Variants in MAML3 observed in about 807,000 individuals in gnomAD.
MAML3 encodes the protein mastermind like transcriptional coactivator 3.
Under a neutral mutation model 101.9 loss-of-function variants are expected in MAML3, and 27 were observed. That is an observed-to-expected ratio of 0.27 (90% CI 0.20 to 0.37). The LOEUF is 0.37. MAML3 is among the 10% of genes least tolerant of loss of function. MAML3 has a pLI of 1.00. For missense variants in MAML3, 1,316 were observed against 1,444.9 expected, an observed-to-expected ratio of 0.91 and a Z score of 1.45; for synonymous variants, 501 against 555.9, an observed-to-expected ratio of 0.90 and a Z score of 1.39.
intron 2 of MAML3, among the ~76,000 whole-genome samples, chr4:139,807,882 T>A (rs1395319546): frequency 6.6e-6 from 1 of 152,232 alleles, no homozygotes; most frequent in Non-Finnish European, 1.5e-5. Flanking sequence ...AAATTTGATA[T>A]ATTTTCTTAT....
intron 1 of MAML3, among the ~76,000 whole-genome samples, chr4:139,947,480 C>T (rs1359004233): frequency 6.6e-6 from 1 of 152,156 alleles, no homozygotes; most frequent in Non-Finnish European, 1.5e-5. Flanking sequence ...AATGCTGCTA[C>T]AAAAATTACA....
intron 4 of MAML3, among the ~76,000 whole-genome samples, chr4:139,724,250 C>G (rs1728377332): frequency 3.3e-5 from 5 of 152,202 alleles, no homozygotes; most frequent in Non-Finnish European, 7.3e-5. Flanking sequence ...TCAATGTGAT[C>G]TGTCAGTAAA....
chr4:139,942,675 C>T (rs1202453234), intron 1 of MAML3, among the ~76,000 whole-genome samples: 2 of 151,668 alleles, frequency 1.3e-5, no homozygotes, highest in Non-Finnish European at 2.9e-5. Flanking sequence ...GTCTATACTC[C>T]TAATATTAAT....
intron 1 of MAML3, among the ~76,000 whole-genome samples, chr4:139,972,209 TCCCTCCTTC>T (rs1423960530): frequency 2.6e-5 from 4 of 152,068 alleles, no homozygotes; most frequent in Non-Finnish European, 4.4e-5. Context: ...CCTGATCCTC[TCCCTCCTTC>T]CCCCACCACT....
intron 2 of MAML3, among the ~76,000 whole-genome samples, chr4:139,746,433 T>C (rs753975389): frequency 2.0e-5 from 3 of 146,802 alleles, no homozygotes; most frequent in Non-Finnish European, 4.5e-5. Flanking sequence ...ATGAAAAATC[T>C]TCCCTTTAAA....
chr4:139,742,058 C>T (rs891808889), intron 2 of MAML3, among the ~76,000 whole-genome samples: 5 of 152,012 alleles, frequency 3.3e-5, no homozygotes, highest in Non-Finnish European at 7.4e-5. Context: ...CTTGACTCCA[C>T]GCCACACATA....
At chr4:139,970,305 A>G (rs1023949091) in intron 1 of MAML3, among the ~76,000 whole-genome samples, 4 of 152,218 alleles carry the variant, frequency 2.6e-5, no homozygotes, top group African/African-American at 9.6e-5. Flanking sequence ...ATGAGCAAGA[A>G]AACACAAGCA....
At chr4:140,061,343 C>T (rs569469011) in intron 1 of MAML3, among the ~76,000 whole-genome samples, 4 of 152,252 alleles carry the variant, frequency 2.6e-5, no homozygotes, top group Middle Eastern at 3.4e-3. Flanking sequence ...CTCCTAACTA[C>T]GATATGGGAG....
intron 2 of MAML3, among the ~76,000 whole-genome samples, chr4:139,845,236 G>C (rs1304875212): frequency 1.3e-5 from 2 of 152,194 alleles, no homozygotes; most frequent in Non-Finnish European, 2.9e-5. Context: ...TGGGAAAGAA[G>C]AAGTGAGGGT....
At chr4:140,125,059 G>T (rs1560901200) in intron 1 of MAML3, among the ~76,000 whole-genome samples, 1 of 152,094 alleles carries the variant, frequency 6.6e-6, no homozygotes, top group Admixed American at 6.6e-5. Context: ...ATCGACTTTG[G>T]TTTTTTAATT....
At chr4:139,851,296 G>A (rs1014213083) in intron 2 of MAML3, among the ~76,000 whole-genome samples, 1 of 152,212 alleles carries the variant, frequency 6.6e-6, no homozygotes, top group African/African-American at 2.4e-5. Context: ...GGTTTGCCCT[G>A]CATGTTTGAC....
At chr4:139,996,857 G>A (rs1734827537) in intron 1 of MAML3, among the ~76,000 whole-genome samples, 1 of 151,742 alleles carries the variant, frequency 6.6e-6, no homozygotes, top group Admixed American at 6.6e-5. Flanking sequence ...TCACAAAATC[G>A]AGACCATCCT....
intron 1 of MAML3, among the ~76,000 whole-genome samples, chr4:140,088,475 T>C (rs1232492736): frequency 6.6e-6 from 1 of 152,206 alleles, no homozygotes; most frequent in Non-Finnish European, 1.5e-5. Flanking sequence ...TTCCTTTCCA[T>C]TCCCACTGCT....
intron 1 of MAML3, among the ~76,000 whole-genome samples, chr4:140,073,301 C>A (rs1727696652): frequency 6.6e-6 from 1 of 152,078 alleles, no homozygotes; most frequent in African/African-American, 2.4e-5. Context: ...CCATGCCCGG[C>A]TAATTTTTGT....
rs200806138 is a variant in MAML3, at chr4:139,729,118, A to C, written c.2331+1298T>G. Among the ~76,000 whole-genome samples the C allele has an allele frequency of 4.1e-4, 62 of 150,132 alleles. No homozygotes were observed. In the East Asian group the frequency reaches 6.8e-3, roughly 16 times the overall value. On this transcript the variant is annotated intron_variant, in intron 3 of 4. Coordinates refer to ENST00000509479, the MANE Select transcript of MAML3 (RefSeq NM_018717.5). ...GCCAGGCGGCTGACTGACCTTGGTA[A>C]AAAGGGAGATAATTACACAGCTGTT...
rs769427081 is a variant in MAML3 at position 140,078,024 on chromosome 4, TAAAA to T, written c.468+74832_468+74835del. On this transcript the variant is annotated intron_variant, in intron 1 of 4. Coordinates refer to ENST00000509479, the MANE Select transcript of MAML3 (RefSeq NM_018717.5). ...AGAGCAAGACTCCGTCTCAAATAAA[TAAAA>T]AAATAAATAAATAAATAAATAAATA... Among the ~76,000 whole-genome samples the T allele has an allele frequency of 6.6e-3, 980 of 148,250 alleles. 10 individuals are homozygous for T. The highest frequency in any genetic ancestry group is 0.014 in the Middle Eastern group (4 of 290).
At chr4:139,970,728 C>T (rs765445788) in intron 1 of MAML3, among the ~76,000 whole-genome samples, 1 of 152,156 alleles carries the variant, frequency 6.6e-6, no homozygotes, top group Non-Finnish European at 1.5e-5. Context: ...GTTCTAACTG[C>T]ACCTGGTACA....
intron 2 of MAML3, among the ~76,000 whole-genome samples, chr4:139,877,206 A>T (rs1161089559): frequency 1.3e-5 from 2 of 152,212 alleles, no homozygotes; most frequent in Non-Finnish European, 2.9e-5. Context: ...AACTAACATG[A>T]AAGATATTTT....
intron 2 of MAML3, among the ~76,000 whole-genome samples, chr4:139,857,713 CCA>C (rs1165507488): frequency 6.6e-6 from 1 of 152,122 alleles, no homozygotes; most frequent in African/African-American, 2.4e-5. Flanking sequence ...TCTGAAATAT[CCA>C]CCTTTGGCCC....
Sources: allele counts gnomAD v4.1 joint callset (sites outside exome capture counted in the v4.1 genomes callset), GRCh38; gene constraint gnomAD v4.1.1; transcripts MANE v1.5; gene names NCBI Gene and HGNC (gene_info 2026-07-23, HGNC 2026-07-21).